Variants in MAN1C1 observed in about 807,000 individuals in gnomAD.
MAN1C1 encodes mannosyl-oligosaccharide 1,2-alpha-mannosidase IC.
In MAN1C1, 49 loss-of-function variants were observed where a neutral mutation model predicts 71.5. That is an observed-to-expected ratio of 0.69 (90% confidence interval 0.54 to 0.87). MAN1C1 has a LOEUF of 0.87. Ranked by LOEUF, MAN1C1 falls within the 40% of genes least tolerant of loss-of-function variation. The probability of loss-of-function intolerance (pLI) is 0.00; values close to 1 mark genes in which losing one functional copy is unlikely to be tolerated. For synonymous variants in MAN1C1, 352 were observed against 343.7 expected (o/e 1.02, Z -0.27); for missense variants, 743 against 835.0 (o/e 0.89, Z 1.36).
intron 7 of MAN1C1, among the ~76,000 whole-genome samples, chr1:25,765,761 A>G (rs758419900): frequency 1.3e-5 from 2 of 152,194 alleles, no homozygotes; most frequent in Non-Finnish European, 2.9e-5. Flanking sequence ...GTGGCGAAGC[A>G]GCTGAGGCCT....
intron 5 of MAN1C1, among the ~76,000 whole-genome samples, chr1:25,756,988 G>A (rs552924195): frequency 1.1e-4 from 16 of 152,200 alleles, no homozygotes; most frequent in Admixed American, 7.2e-4. Context: ...GAAGGTGGCT[G>A]TCTCTATATG....
At chr1:25,696,976 A>G (rs535268114) in intron 2 of MAN1C1, among the ~76,000 whole-genome samples, 39 of 152,242 alleles carry the variant, frequency 2.6e-4, no homozygotes, top group Admixed American at 4.6e-4. Context: ...TTCTATCACC[A>G]TAGATTAGTT....
chr1:25,650,857 G>A, intron 1 of MAN1C1, among the ~76,000 whole-genome samples: 1 of 152,150 alleles, frequency 6.6e-6, no homozygotes, highest in East Asian at 1.9e-4. Flanking sequence ...CACAAACCCT[G>A]TAATTCTCAC....
rs577996312 is a variant in MAN1C1, at chr1:25,690,254, G to A, written c.637+3718G>A. On this transcript the variant is annotated intron_variant, in intron 2 of 11. Transcript: ENST00000374332. ...ACAACGAGGATGCAGCCCGTTCCTC[G>A]CCTTGTGGCTCAGGCTAAGGCTGAT... 6.0e-5 allele frequency among the ~76,000 whole-genome samples: 9 copies of A among 149,856 alleles called. No homozygotes were observed. The East Asian group carries it at 1.4e-3, about 23-fold the overall frequency.
At chr1:25,770,917 T>G (rs934637998) in intron 7 of MAN1C1, among the ~76,000 whole-genome samples, 8 of 152,248 alleles carry the variant, frequency 5.3e-5, no homozygotes, top group African/African-American at 1.9e-4. Context: ...CTGTTGTTAA[T>G]TTTCAAAGCC....
intron 1 of MAN1C1, among the ~76,000 whole-genome samples, chr1:25,643,785 G>A (rs1345884119): frequency 2.0e-5 from 3 of 151,896 alleles, no homozygotes; most frequent in Non-Finnish European, 4.4e-5. Flanking sequence ...GGGATTACAG[G>A]CATAAGCCAC....
chr1:25,666,459 CG>C (rs986727453), intron 1 of MAN1C1, among the ~76,000 whole-genome samples: 1 of 152,160 alleles, frequency 6.6e-6, no homozygotes. Context: ...GGTTCACAAA[CG>C]GAACACCAAG....
intron 2 of MAN1C1, among the ~76,000 whole-genome samples, chr1:25,742,634 C>A (rs1246337079): frequency 1.3e-5 from 2 of 152,216 alleles, no homozygotes; most frequent in East Asian, 3.8e-4. Flanking sequence ...CATCAACCTA[C>A]CCCATTTAAC....
In MAN1C1 at chr1:25,778,445, G is replaced by A; in HGVS notation, c.1477+121G>A. 3 of 980,944 alleles carry A rather than the reference G, an allele frequency of 3.1e-6. No homozygotes were observed. Among genetic ancestry groups the A allele is most frequent in the Non-Finnish European group, 4.5e-6 (3 of 673,166 alleles). The allele number at this position is 980,944 out of a possible 1,614,324, so 60.8% of individuals were successfully genotyped here. ...GCCTTAGGGAAGCCTCCCCTTGGAA[G>A]TTAAGTAGAATTTGAGAGAGGTACT... On this transcript the variant is annotated intron_variant, in intron 9 of 11. Coordinates refer to ENST00000374332, the MANE Select transcript of MAN1C1 (RefSeq NM_020379.4). This position sits in a 1 kb window ranked among gnomAD's most constrained non-coding sequence, Gnocchi z 5.5.
At chr1:25,731,541 G>C (rs991989242) in intron 2 of MAN1C1, among the ~76,000 whole-genome samples, 1 of 152,314 alleles carries the variant, frequency 6.6e-6, no homozygotes, top group Non-Finnish European at 1.5e-5. Flanking sequence ...AAGTCACACA[G>C]CTAGTAATAG....
intron 2 of MAN1C1, among the ~76,000 whole-genome samples, chr1:25,743,210 G>T (rs1223774361): frequency 6.6e-6 from 1 of 152,174 alleles, no homozygotes; most frequent in East Asian, 1.9e-4. Context: ...TGATTTCTGG[G>T]CCTGTATTAT....
intron 1 of MAN1C1, among the ~76,000 whole-genome samples, chr1:25,674,371 G>A (rs560427744): frequency 1.3e-5 from 2 of 152,300 alleles, no homozygotes; most frequent in East Asian, 3.9e-4. Context: ...TTTATGGAAA[G>A]TCTCTATGTG....
At chr1:25,732,524 G>A (rs560818929) in intron 2 of MAN1C1, among the ~76,000 whole-genome samples, 8 of 152,296 alleles carry the variant, frequency 5.3e-5, no homozygotes, top group Non-Finnish European at 8.8e-5. Flanking sequence ...TCTGTGGTGC[G>A]CTCAGCAACA....
chr1:25,709,213 G>A (rs986292402), intron 2 of MAN1C1, among the ~76,000 whole-genome samples: 5 of 152,156 alleles, frequency 3.3e-5, no homozygotes, highest in African/African-American at 1.2e-4. Context: ...ATTGTAGGTG[G>A]CATTTACTGC....
intron 1 of MAN1C1, among the ~76,000 whole-genome samples, chr1:25,621,303 C>T (rs1281232767): frequency 6.6e-6 from 1 of 152,198 alleles, no homozygotes; most frequent in Non-Finnish European, 1.5e-5. Context: ...AGCACCTATC[C>T]AAGAATAGAT....
At chr1:25,668,783 C>T (rs1309580656) in intron 1 of MAN1C1, among the ~76,000 whole-genome samples, 1 of 152,126 alleles carries the variant, frequency 6.6e-6, no homozygotes, top group East Asian at 1.9e-4. Flanking sequence ...TGGTCTCCAT[C>T]TCCTGACCTC....
At chr1:25,717,518 G>A (rs1409947889) in intron 2 of MAN1C1, among the ~76,000 whole-genome samples, 1 of 150,976 alleles carries the variant, frequency 6.6e-6, no homozygotes, top group Non-Finnish European at 1.5e-5. Flanking sequence ...GTGAGACCCT[G>A]TTTCAAAAAC....
chr1:25,674,927 GGCAGTC>G (rs1427413214), intron 1 of MAN1C1, among the ~76,000 whole-genome samples: 1 of 152,182 alleles, frequency 6.6e-6, no homozygotes, highest in East Asian at 1.9e-4. Context: ...CCAGTCAGGA[GGCAGTC>G]GCAGGAGTTC....
rs770008189 is a variant in MAN1C1, at chr1:25,617,923, G to T, written c.126G>T (p.Leu42=). The part of the protein sequence containing the change: ...LVTLCFGALF[L]LPHSSRLKRL... ...CCCTGTGCTTCGGGGCCCTCTTCCT[G>T]CTGCCCCACTCCTCTCGCCTCAAGC... Residue 42 remains leucine, a synonymous_variant, in exon 1 of 12, where the codon CTG becomes CTT. Coordinates refer to ENST00000374332, the MANE Select transcript of MAN1C1 (RefSeq NM_020379.4). The surrounding 1 kb of genome is among the most constrained non-coding windows in gnomAD (Gnocchi z 5.1). The T allele has an allele frequency of 9.3e-6, 15 of 1,606,682 alleles. No individual in the cohort carries two copies. Among genetic ancestry groups the T allele is most frequent in the Admixed American group, 8.4e-5 (5 of 59,346 alleles).
Sources: allele counts gnomAD v4.1 joint callset (sites outside exome capture counted in the v4.1 genomes callset), GRCh38; gene constraint gnomAD v4.1.1; non-coding constraint Gnocchi (gnomAD v3.1); transcripts MANE v1.5; gene names NCBI Gene and HGNC (gene_info 2026-07-23, HGNC 2026-07-21).